Variants in ERGIC1 observed in about 807,000 individuals in gnomAD.
The protein encoded by ERGIC1 is endoplasmic reticulum-golgi intermediate compartment 1.
ERGIC1 carries 19 observed loss-of-function variants against 38.3 expected under a neutral mutation model. The observed-to-expected ratio is 0.50, with a 90% confidence interval of 0.35 to 0.73. The LOEUF is 0.73. Ranked by LOEUF, ERGIC1 falls within the 30% of genes least tolerant of loss-of-function variation. The pLI is 0.01. For missense variants in ERGIC1, 294 were observed against 389.2 expected, an observed-to-expected ratio of 0.76 and a Z score of 2.06; for synonymous variants, 124 against 157.6, an observed-to-expected ratio of 0.79 and a Z score of 1.60.
At chr5:172,942,333 T>A (rs1764028718) in intron 9 of ERGIC1, among the ~76,000 whole-genome samples, 1 of 152,104 alleles carries the variant, frequency 6.6e-6, no homozygotes, top group African/African-American at 2.4e-5. Flanking sequence ...CCTTCCCAGC[T>A]CCCATATGCC....
intron 9 of ERGIC1, among the ~76,000 whole-genome samples, chr5:172,940,863 A>C (rs1224627164): frequency 6.6e-6 from 1 of 152,206 alleles, no homozygotes; most frequent in African/African-American, 2.4e-5. Flanking sequence ...ATTGCCCTGC[A>C]TGGTTGTCAG....
intron 1 of ERGIC1, among the ~76,000 whole-genome samples, chr5:172,870,711 A>G (rs1028007630): frequency 1.3e-5 from 2 of 152,222 alleles, no homozygotes; most frequent in African/African-American, 4.8e-5. Context: ...GAAATTTAGC[A>G]GGGGGAGCGG....
rs149003476 is a variant in ERGIC1, at chr5:172,922,649, C to A, written c.376-1356C>A. Among the ~76,000 whole-genome samples, 19 of 152,300 alleles carry A rather than the reference C, an allele frequency of 1.2e-4. No individual in the cohort carries two copies. The East Asian group carries it at 1.7e-3, about 14-fold the overall frequency. On this transcript the variant is annotated intron_variant, in intron 5 of 9. Coordinates refer to ENST00000393784, the MANE Select transcript of ERGIC1 (RefSeq NM_001031711.3). The stretch of plus-strand genomic sequence containing the variant: ...TGCTGTTCCCGGCACGGCAGGAGAC[C>A]AGACAGGAAGCAGCAGAGGACACAG...
chr5:172,884,709 G>A (rs1762375492), intron 1 of ERGIC1, among the ~76,000 whole-genome samples: 1 of 152,186 alleles, frequency 6.6e-6, no homozygotes, highest in South Asian at 2.1e-4. Flanking sequence ...GTAGAGAATA[G>A]TGATTAGAAG....
At chr5:172,897,798 G>C in intron 3 of ERGIC1, 1 of 413,844 alleles carries the variant, frequency 2.4e-6, no homozygotes, top group East Asian at 3.6e-5. Flanking sequence ...TGACATCAGC[G>C]CCCGGCCCCC....
rs574875826 is a variant in ERGIC1 at position 172,932,301 on chromosome 5, A to G, written c.542-135A>G. ...TATCCAAGGGGAGAAGATGAAGAGC[A>G]GTTGGTTGGTGGTAAAACTGGGGAA... On this transcript the variant is annotated intron_variant, in intron 7 of 9. Coordinates refer to ENST00000393784, the MANE Select transcript of ERGIC1 (RefSeq NM_001031711.3). The G allele has an allele frequency of 8.1e-6, 6 of 737,674 alleles. No individual in the cohort carries two copies. In the Admixed American group the frequency reaches 1.2e-4, roughly 14 times the overall value. 45.7% of individuals were successfully genotyped at this position (737,674 alleles called of 1,614,324 possible).
intron 1 of ERGIC1, among the ~76,000 whole-genome samples, chr5:172,886,515 G>A (rs756271343): frequency 9.9e-5 from 15 of 152,170 alleles, no homozygotes; most frequent in Non-Finnish European, 1.9e-4. Flanking sequence ...AAACTCACTG[G>A]GCCAAGGGTT....
intron 4 of ERGIC1, among the ~76,000 whole-genome samples, chr5:172,911,706 T>C (rs1255357443): frequency 3.9e-5 from 6 of 152,226 alleles, no homozygotes; most frequent in Non-Finnish European, 8.8e-5. Flanking sequence ...CTGGCCTTCC[T>C]TTCTGTGTTT....
chr5:172,860,521 C>G (rs150295705), intron 1 of ERGIC1, among the ~76,000 whole-genome samples: 31 of 152,382 alleles, frequency 2.0e-4, no homozygotes, highest in African/African-American at 7.2e-4. Flanking sequence ...CCCCTCACCA[C>G]TGCACCTCAC....
chr5:172,893,443 C>T (rs184344096), intron 2 of ERGIC1, among the ~76,000 whole-genome samples: 9 of 152,202 alleles, frequency 5.9e-5, no homozygotes, highest in East Asian at 3.9e-4. Context: ...CCACCATGCC[C>T]GGCAACACTC....
chr5:172,926,419 C>G lies in ERGIC1; in HGVS notation c.481-90C>G. 1 of 1,445,076 alleles carries G rather than the reference C, an allele frequency of 6.9e-7. No individual in the cohort carries two copies. The highest frequency in any genetic ancestry group is 1.1e-5 in the South Asian group (1 of 87,464). 89.5% of individuals were successfully genotyped at this position (1,445,076 alleles called of 1,614,324 possible). ...TTACACATTGGTAGGGTTCCTAGAC[C>G]AGGTGGTACCTGGCCATCCCCCACA... On this transcript the variant is annotated intron_variant, in intron 6 of 9. Transcript: ENST00000393784. This position sits in a 1 kb window ranked among gnomAD's most constrained non-coding sequence, Gnocchi z 5.2.
chr5:172,910,847 AC>A (rs1350615877), intron 4 of ERGIC1, among the ~76,000 whole-genome samples: 2 of 152,140 alleles, frequency 1.3e-5, no homozygotes, highest in Non-Finnish European at 2.9e-5. Flanking sequence ...CTTCTACAAA[AC>A]AAAACTCATT....
chr5:172,948,747 T>C (rs904581462), intron 9 of ERGIC1, among the ~76,000 whole-genome samples: 25 of 152,172 alleles, frequency 1.6e-4, no homozygotes, highest in African/African-American at 4.8e-4. Flanking sequence ...GAGGAAAATA[T>C]GCTTAAAGTT....
chr5:172,886,609 A>C (rs1190505308), intron 1 of ERGIC1, among the ~76,000 whole-genome samples: 1 of 146,668 alleles, frequency 6.8e-6, no homozygotes, highest in Non-Finnish European at 1.5e-5. Flanking sequence ...AAGCGTTAAT[A>C]ATAATAGTAA....
intron 2 of ERGIC1, among the ~76,000 whole-genome samples, chr5:172,893,905 A>ATATATATATGTGTGTGTG (rs1173039695): frequency 3.2e-4 from 5 of 15,538 alleles, no homozygotes; most frequent in Non-Finnish European, 8.5e-4. Context: ...ATATATATAT[A>ATATATATATGTGTGTGTG]TGTGTGTGTG....
Position 172,926,981 on chromosome 5 carries a change from A to G in ERGIC1, c.541+412A>G, listed in dbSNP as rs1484039042. Reference sequence around the variant, plus strand: ...GGGTGGCCCAGTCAGCTGTGACCACATGGCTGCCTCCCCCACACCTCACTC... The same window carrying G: ...GGGTGGCCCAGTCAGCTGTGACCACGTGGCTGCCTCCCCCACACCTCACTC... On this transcript the variant is annotated intron_variant, in intron 7 of 9. Coordinates refer to ENST00000393784, the MANE Select transcript of ERGIC1 (RefSeq NM_001031711.3). The surrounding 1 kb of genome is among the most constrained non-coding windows in gnomAD (Gnocchi z 5.2). 2 of 190,896 alleles carry G rather than the reference A, an allele frequency of 1.0e-5. No homozygotes were observed. Among genetic ancestry groups the G allele is most frequent in the South Asian group, 1.0e-4 (1 of 10,048 alleles). 11.8% of individuals were successfully genotyped at this position (190,896 alleles called of 1,614,324 possible). A position where few individuals can be genotyped will look rare whatever the true frequency, so the allele number is the denominator to read the frequency against.
At chr5:172,896,112 G>T (rs1244126018) in intron 2 of ERGIC1, among the ~76,000 whole-genome samples, 1 of 152,144 alleles carries the variant, frequency 6.6e-6, no homozygotes, top group East Asian at 1.9e-4. Context: ...GGAGGCTGAG[G>T]CGGGCGGTTC....
At chr5:172,836,722 C>T (rs1221924057) in intron 1 of ERGIC1, among the ~76,000 whole-genome samples, 1 of 152,194 alleles carries the variant, frequency 6.6e-6, no homozygotes, top group Non-Finnish European at 1.5e-5. Flanking sequence ...TGGTCCGGCT[C>T]TCTTTGCATT....
chr5:172,913,372 G>A (rs1248556841), intron 4 of ERGIC1, among the ~76,000 whole-genome samples: 1 of 152,232 alleles, frequency 6.6e-6, no homozygotes, highest in Non-Finnish European at 1.5e-5. Flanking sequence ...TAGAGGACAG[G>A]CTGCCAACAT....
Sources: allele counts gnomAD v4.1 joint callset (sites outside exome capture counted in the v4.1 genomes callset), GRCh38; gene constraint gnomAD v4.1.1; non-coding constraint Gnocchi (gnomAD v3.1); transcripts MANE v1.5; gene names NCBI Gene and HGNC (gene_info 2026-07-23, HGNC 2026-07-21).